SPOCK1: variants seen among roughly 807,000 people sequenced by gnomAD.
The protein encoded by SPOCK1 is SPARC (osteonectin), cwcv and kazal like domains proteoglycan 1, also known as testican-1.
A neutral mutation model predicts 55.3 loss-of-function variants in SPOCK1; 23 were observed. That is an observed-to-expected ratio of 0.42 (90% CI 0.30 to 0.59). The LOEUF is 0.59. Ranked by LOEUF, SPOCK1 falls within the 20% of genes least tolerant of loss-of-function variation. The pLI, the probability that SPOCK1 is intolerant of heterozygous loss-of-function variation, is 0.22. For synonymous variants in SPOCK1, 226 were observed against 221.0 expected (o/e 1.02, Z -0.20); for missense variants, 499 against 552.5 (o/e 0.90, Z 0.97).
chr5:137,472,421 A>G (rs545598127), intron 2 of SPOCK1, among the ~76,000 whole-genome samples: 109 of 152,192 alleles, frequency 7.2e-4, no homozygotes, highest in African/African-American at 2.5e-3. Context: ...CACTGAGATC[A>G]CATGTTTTTC....
intron 3 of SPOCK1, among the ~76,000 whole-genome samples, chr5:137,208,598 A>G (rs1355449530): frequency 6.6e-6 from 1 of 152,240 alleles, no homozygotes; most frequent in East Asian, 1.9e-4. Context: ...AAGCAAATTA[A>G]TGCAGGAAGA....
At chr5:137,067,694 C>G in intron 6 of SPOCK1, 21 bp downstream of exon 6, 2 of 1,608,782 alleles carry the variant, frequency 1.2e-6, no homozygotes, top group Non-Finnish European at 1.7e-6. Flanking sequence ...CACGAATTCT[C>G]TGAAGGAAAC....
At chr5:137,033,645 T>C (rs1439104704) in intron 6 of SPOCK1, among the ~76,000 whole-genome samples, 1 of 152,222 alleles carries the variant, frequency 6.6e-6, no homozygotes, top group African/African-American at 2.4e-5. Context: ...TCAGGTGTCA[T>C]TTCCTAATGG....
At chr5:137,489,885 C>G (rs1443156622) in intron 2 of SPOCK1, among the ~76,000 whole-genome samples, 1 of 152,242 alleles carries the variant, frequency 6.6e-6, no homozygotes, top group Non-Finnish European at 1.5e-5. Flanking sequence ...CAATGCCCTT[C>G]CCAGGGAAGC....
chr5:137,482,252 G>C (rs901839468), intron 2 of SPOCK1, among the ~76,000 whole-genome samples: 1 of 152,176 alleles, frequency 6.6e-6, no homozygotes, highest in Non-Finnish European at 1.5e-5. Context: ...AGCAGCTGTA[G>C]AAACATCCAA....
intron 3 of SPOCK1, among the ~76,000 whole-genome samples, chr5:137,203,356 G>A (rs75674305): frequency 2.6e-5 from 4 of 152,128 alleles, no homozygotes; most frequent in African/African-American, 7.2e-5. Context: ...TAAGGTTCAC[G>A]AGAGCTTCAG....
intron 2 of SPOCK1, among the ~76,000 whole-genome samples, chr5:137,475,345 A>T (rs1233968654): frequency 3.3e-5 from 5 of 152,218 alleles, no homozygotes; most frequent in Non-Finnish European, 7.3e-5. Context: ...CAAATGTGAC[A>T]TAACAACCAA....
At chr5:137,271,349 AAT>A (rs146922818) in intron 2 of SPOCK1, among the ~76,000 whole-genome samples, 2,891 of 149,640 alleles carry the variant, frequency 0.019, 91 homozygotes, top group African/African-American at 0.063. Flanking sequence ...TGAAAAAGAA[AAT>A]ATGTTTTACA....
intron 2 of SPOCK1, among the ~76,000 whole-genome samples, chr5:137,413,515 C>T (rs989755388): frequency 6.8e-6 from 1 of 147,686 alleles, no homozygotes; most frequent in Non-Finnish European, 1.5e-5. Context: ...GGGTAGTTTC[C>T]CCCTGATCTT....
intron 4 of SPOCK1, among the ~76,000 whole-genome samples, chr5:137,137,077 C>T (rs145742685): frequency 3.7e-4 from 57 of 152,332 alleles, no homozygotes; most frequent in Non-Finnish European, 7.5e-4. Flanking sequence ...TCTCCACAGA[C>T]AAAGAAAGCT....
At chr5:137,101,308 C>T (rs1753261164) in intron 5 of SPOCK1, among the ~76,000 whole-genome samples, 1 of 152,196 alleles carries the variant, frequency 6.6e-6, no homozygotes, top group African/African-American at 2.4e-5. Flanking sequence ...ATATCATGTG[C>T]TGTGCAATTT....
chr5:137,271,895 C>T (rs1005739539), intron 2 of SPOCK1, among the ~76,000 whole-genome samples: 54 of 152,262 alleles, frequency 3.5e-4, no homozygotes, highest in Middle Eastern at 3.4e-3. Flanking sequence ...TGTTTGAACC[C>T]TGCCGTTTCA....
chr5:137,053,352 G>T (rs1752242195), intron 6 of SPOCK1, among the ~76,000 whole-genome samples: 1 of 152,024 alleles, frequency 6.6e-6, no homozygotes, highest in Non-Finnish European at 1.5e-5. Context: ...GTAAACCAGA[G>T]ATGGCTCCTG....
intron 4 of SPOCK1, among the ~76,000 whole-genome samples, chr5:137,132,364 C>G (rs1018614984): frequency 1.3e-5 from 2 of 152,040 alleles, no homozygotes; most frequent in Non-Finnish European, 2.9e-5. Flanking sequence ...ATGGAAATCA[C>G]ACCTAGTAAT....
intron 2 of SPOCK1, among the ~76,000 whole-genome samples, chr5:137,304,231 T>G (rs1215423010): frequency 2.0e-5 from 3 of 152,202 alleles, no homozygotes; most frequent in Non-Finnish European, 2.9e-5. Context: ...GTTTTGATGT[T>G]CAAAGGCTTG....
At chr5:137,001,627 T>G (rs1260065832) in intron 6 of SPOCK1, among the ~76,000 whole-genome samples, 2 of 152,198 alleles carry the variant, frequency 1.3e-5, no homozygotes, top group Non-Finnish European at 2.9e-5. Flanking sequence ...CAACCCTCAG[T>G]GTACAAGTTG....
chr5:137,392,665 G>A (rs1032357186), intron 2 of SPOCK1, among the ~76,000 whole-genome samples: 1 of 152,188 alleles, frequency 6.6e-6, no homozygotes, highest in African/African-American at 2.4e-5. Context: ...GTACTGTTCT[G>A]AGGATTACAG....
intron 4 of SPOCK1, among the ~76,000 whole-genome samples, chr5:137,136,115 T>C (rs1267587479): frequency 6.6e-6 from 1 of 152,244 alleles, no homozygotes; most frequent in Non-Finnish European, 1.5e-5. Context: ...GTTGCTTTTC[T>C]TTTTGCATTA....
intron 2 of SPOCK1, among the ~76,000 whole-genome samples, chr5:137,284,298 C>T (rs1191881949): frequency 6.6e-6 from 1 of 152,222 alleles, no homozygotes; most frequent in Non-Finnish European, 1.5e-5. Context: ...AACTCTGCTG[C>T]ACCCGACTCA....
Sources: allele counts gnomAD v4.1 joint callset (sites outside exome capture counted in the v4.1 genomes callset), GRCh38; gene constraint gnomAD v4.1.1; transcripts MANE v1.5; gene names NCBI Gene and HGNC (gene_info 2026-07-23, HGNC 2026-07-21).